The following SASH1 variants were observed in gnomAD, a reference collection of about 807,000 sequenced individuals.
SASH1 encodes the protein SAM and SH3 domain-containing protein 1.
Under a neutral mutation model 125.2 loss-of-function variants are expected in SASH1, and 44 were observed. The observed-to-expected ratio is 0.35, with a 90% confidence interval of 0.28 to 0.45. The LOEUF (loss-of-function observed/expected upper bound fraction) is 0.45. SASH1 is among the 20% of genes least tolerant of loss of function. The pLI, the probability that SASH1 is intolerant of heterozygous loss-of-function variation, is 1.00. For synonymous variants in SASH1, 639 were observed against 649.1 expected (o/e 0.98, Z 0.24); for missense variants, 1,426 against 1,614.5 (o/e 0.88, Z 2.00).
chr6:148,519,157 A>C lies in SASH1; in HGVS notation c.863-390A>C, dbSNP rs1289886412. On this transcript the variant is annotated intron_variant, in intron 9 of 19. Transcript: ENST00000367467. This position sits in a 1 kb window ranked among gnomAD's most constrained non-coding sequence, Gnocchi z 4.8. ...TAAAAAGCGACCAGAGCCAACATAAAGGAGTGCCTTTCAGAAGGGGGAAAG... is the reference window on the plus strand; with the variant it reads ...TAAAAAGCGACCAGAGCCAACATAACGGAGTGCCTTTCAGAAGGGGGAAAG... 6.6e-6 allele frequency among the ~76,000 whole-genome samples: 1 copy of C among 152,240 alleles called. No homozygotes were observed. The highest frequency in any genetic ancestry group is 1.5e-5 in the Non-Finnish European group (1 of 68,046).
intron 7 of SASH1, among the ~76,000 whole-genome samples, chr6:148,485,164 A>G (rs1778788972): frequency 6.6e-6 from 1 of 152,198 alleles, no homozygotes; most frequent in South Asian, 2.1e-4. Context: ...AGATGCAGCT[A>G]AGGTTGGATA....
At chr6:148,476,260 C>A (rs1583220352) in intron 7 of SASH1, among the ~76,000 whole-genome samples, 2 of 62,258 alleles carry the variant, frequency 3.2e-5, no homozygotes, top group Non-Finnish European at 3.0e-5. Context: ...AACATTGATG[C>A]AAGAAAAGGA....
intron 1 of SASH1, among the ~76,000 whole-genome samples, chr6:148,329,990 G>C (rs1173886882): frequency 6.6e-6 from 1 of 152,092 alleles, no homozygotes; most frequent in Admixed American, 6.6e-5. Flanking sequence ...GACACAAACA[G>C]GGTTAACCTC....
At chr6:148,535,414 C>T (rs539487495) in intron 16 of SASH1, among the ~76,000 whole-genome samples, 13 of 152,324 alleles carry the variant, frequency 8.5e-5, no homozygotes, top group East Asian at 5.8e-4. Flanking sequence ...GGGAGGTTTT[C>T]GCTCAGCCAA....
At chr6:148,327,298 T>G (rs961414222) in intron 1 of SASH1, among the ~76,000 whole-genome samples, 19 of 151,720 alleles carry the variant, frequency 1.3e-4, no homozygotes, top group African/African-American at 4.6e-4. Context: ...TTTTTTTTTT[T>G]TTTTGAGATG....
intron 1 of SASH1, among the ~76,000 whole-genome samples, chr6:148,279,832 C>T (rs139238797): frequency 0.02 from 3,104 of 151,860 alleles, 99 homozygotes; most frequent in African/African-American, 0.071. Flanking sequence ...ACTAAAAAGA[C>T]AAAAATTAGC....
intron 1 of SASH1, among the ~76,000 whole-genome samples, chr6:148,374,205 A>G (rs530196548): frequency 1.3e-5 from 2 of 152,356 alleles, no homozygotes; most frequent in South Asian, 4.1e-4. Context: ...ATCGAGAAGC[A>G]TAAACAAGTT....
chr6:148,414,261 A>G (rs1784736581), intron 2 of SASH1, among the ~76,000 whole-genome samples: 1 of 152,122 alleles, frequency 6.6e-6, no homozygotes, highest in South Asian at 2.1e-4. Context: ...GTGTTCCCAT[A>G]TGTATATTCA....
intron 8 of SASH1, among the ~76,000 whole-genome samples, chr6:148,500,944 TC>T (rs1779535758): frequency 6.6e-6 from 1 of 152,224 alleles, no homozygotes; most frequent in African/African-American, 2.4e-5. Flanking sequence ...TCTAAATAAT[TC>T]CTCTCTGAAG....
intron 2 of SASH1, among the ~76,000 whole-genome samples, chr6:148,413,559 T>C (rs569836916): frequency 3.3e-4 from 50 of 152,250 alleles, no homozygotes; most frequent in Non-Finnish European, 5.6e-4. Context: ...GAATGCGGGC[T>C]CAAGAGAAGC....
chr6:148,437,423 A>T (rs1194786293), intron 2 of SASH1, among the ~76,000 whole-genome samples: 1 of 152,260 alleles, frequency 6.6e-6, no homozygotes, highest in Non-Finnish European at 1.5e-5. Context: ...GTCACTAGAA[A>T]TATCACTATA....
At chr6:148,262,721 A>G in the SASH1 span, among the ~76,000 whole-genome samples, 6,317 of 152,208 alleles carry the variant, frequency 0.042, 213 homozygotes, top group East Asian at 0.18. Flanking sequence ...CATCTCTAGT[A>G]AAAATACAAA....
chr6:148,202,583 G>C, the SASH1 span, among the ~76,000 whole-genome samples: 4 of 152,228 alleles, frequency 2.6e-5, no homozygotes, highest in African/African-American at 4.8e-5. Context: ...GAGGGTTTAG[G>C]ATTGATTACA....
chr6:148,286,263 T>C (rs543964785), intron 1 of SASH1, among the ~76,000 whole-genome samples: 2 of 151,410 alleles, frequency 1.3e-5, no homozygotes, highest in African/African-American at 4.9e-5. Context: ...TAGCTGGGCG[T>C]GGTGGCGTAT....
intron 1 of SASH1, among the ~76,000 whole-genome samples, chr6:148,319,179 C>T (rs949900211): frequency 1.1e-4 from 16 of 151,382 alleles, no homozygotes; most frequent in Admixed American, 2.0e-4. Flanking sequence ...ACCACAGGCG[C>T]CCACCACCAC....
chr6:148,284,714 C>T (rs1779437517), intron 1 of SASH1, among the ~76,000 whole-genome samples: 1 of 152,174 alleles, frequency 6.6e-6, no homozygotes. Flanking sequence ...TATTCCAACT[C>T]ATAGAAGTAG....
At chr6:148,383,034 A>G (rs1783210237) in intron 1 of SASH1, among the ~76,000 whole-genome samples, 1 of 152,238 alleles carries the variant, frequency 6.6e-6, no homozygotes, top group African/African-American at 2.4e-5. Flanking sequence ...AGTATTTGAG[A>G]TTAGTTATTA....
chr6:148,226,197 A>G, the SASH1 span, among the ~76,000 whole-genome samples: 2 of 152,262 alleles, frequency 1.3e-5, no homozygotes, highest in African/African-American at 4.8e-5. Flanking sequence ...TTAAAGAAAA[A>G]TGGTTTATTT....
chr6:148,512,011 T>TTATTTATTTATC (rs1554267046), intron 8 of SASH1, among the ~76,000 whole-genome samples: 43 of 151,162 alleles, frequency 2.8e-4, no homozygotes, highest in African/African-American at 7.3e-4. Flanking sequence ...CAACATTTAT[T>TTATTTATTTATC]TATTTATTTA....
Sources: allele counts gnomAD v4.1 joint callset (sites outside exome capture counted in the v4.1 genomes callset), GRCh38; gene constraint gnomAD v4.1.1; non-coding constraint Gnocchi (gnomAD v3.1); transcripts MANE v1.5; gene names NCBI Gene and HGNC (gene_info 2026-07-23, HGNC 2026-07-21).